Variants in SLC5A1 observed in about 807,000 individuals in gnomAD.
SLC5A1 encodes solute carrier family 5 member 1, also known as sodium/glucose cotransporter 1.
A neutral mutation model predicts 73.5 loss-of-function variants in SLC5A1; 42 were observed. The ratio of observed to expected loss-of-function variants is 0.57; its 90% confidence interval spans 0.45 to 0.74. The LOEUF is 0.74. SLC5A1 is among the 30% of genes least tolerant of loss of function. The pLI is 0.00. For synonymous variants in SLC5A1, 300 were observed against 317.4 expected, an observed-to-expected ratio of 0.95 and a Z score of 0.58; for missense variants, 634 against 855.4, an observed-to-expected ratio of 0.74 and a Z score of 3.23.
intron 5 of SLC5A1, among the ~76,000 whole-genome samples, chr22:32,078,954 C>CAAAAAAAAAAAAAAAAAAAAAAAA (rs6147589): frequency 9.2e-6 from 1 of 109,116 alleles, no homozygotes. Flanking sequence ...ACTCTGTCTC[C>CAAAAAAAAAAAAAAAAAAAAAAAA]AAAAAAAAAA....
intron 5 of SLC5A1, among the ~76,000 whole-genome samples, chr22:32,080,263 G>A (rs1018156162): frequency 6.6e-6 from 1 of 152,202 alleles, no homozygotes; most frequent in East Asian, 1.9e-4. Flanking sequence ...GAATCTTCAG[G>A]GGAGATCTGG....
intron 13 of SLC5A1, 124 bp downstream of exon 13, chr22:32,102,361 A>G: frequency 1.3e-6 from 1 of 747,736 alleles, no homozygotes; most frequent in East Asian, 2.7e-5. Flanking sequence ...GGTACATGTA[A>G]TGTTTTGATA....
At chr22:32,072,941 T>C (rs912535770) in intron 5 of SLC5A1, among the ~76,000 whole-genome samples, 1 of 152,242 alleles carries the variant, frequency 6.6e-6, no homozygotes, top group African/African-American at 2.4e-5. Flanking sequence ...GTTAGACCCT[T>C]ATCAGATATA....
intron 14 of SLC5A1, among the ~76,000 whole-genome samples, chr22:32,107,771 A>G (rs2094048898): frequency 6.6e-6 from 1 of 152,128 alleles, no homozygotes; most frequent in South Asian, 2.1e-4. Context: ...GTGAAATCAG[A>G]CTGAACATCC....
Position 32,084,674 on chromosome 22 carries a change from T to C in SLC5A1, c.885+15T>C, listed in dbSNP as rs557130106. The C allele has an allele frequency of 1.2e-5, 20 of 1,606,178 alleles. No homozygotes were observed. In the Admixed American group the frequency reaches 1.5e-4, roughly 12 times the overall value. ...GCACAGATCAGGTACCCAAGCTGGA[T>C]GTGCGGGATGGACAGAGTCTTCTCC... On this transcript the variant is annotated intron_variant, in intron 8 of 14. Transcript: ENST00000266088.
intron 2 of SLC5A1, among the ~76,000 whole-genome samples, chr22:32,066,150 C>T (rs2093972674): frequency 6.6e-6 from 1 of 152,170 alleles, no homozygotes; most frequent in Middle Eastern, 3.2e-3. Flanking sequence ...CATTCACAGT[C>T]TTATTCTCCT....
chr22:32,110,158 T>C lies in SLC5A1; in HGVS notation c.1940T>C (p.Val647Ala), dbSNP rs201606887. The C allele has an allele frequency of 1.4e-5, 22 of 1,614,034 alleles. No homozygotes were observed. The highest frequency in any genetic ancestry group is 1.8e-5 in the Non-Finnish European group (21 of 1,180,020). The change falls in exon 15 of 15, where the codon GTC (valine) becomes GCC (alanine). Residue 647 changes from valine to alanine, a missense_variant. Physicochemically the swap from Val to Ala is moderately conservative, Grantham distance 64 (BLOSUM62 0). Around this residue, in one of 3 missense-constraint regions of SLC5A1, gnomAD observed 161 missense variants for 178.7 expected, o/e 0.90. Transcript: ENST00000266088. The part of the protein sequence containing the change: ...EKPLWRTVLN[V>A]NGIILVTVAV... ...CCTTTGTGGAGGACAGTGTTGAACG[T>C]CAATGGCATCATCCTGGTGACCGTG...
intron 5 of SLC5A1, among the ~76,000 whole-genome samples, chr22:32,071,487 C>T (rs1048366876): frequency 1.8e-4 from 27 of 152,050 alleles, no homozygotes; most frequent in Admixed American, 6.5e-5. Flanking sequence ...ATAATGATAA[C>T]GAACATGGTT....
intron 10 of SLC5A1, among the ~76,000 whole-genome samples, chr22:32,088,622 A>G (rs1445805205): frequency 6.6e-6 from 1 of 152,096 alleles, no homozygotes; most frequent in African/African-American, 2.4e-5. Context: ...TACAGGTGTG[A>G]GTCACCATGC....
At chr22:32,058,447 T>C (rs745580169) in intron 2 of SLC5A1, among the ~76,000 whole-genome samples, 6 of 152,266 alleles carry the variant, frequency 3.9e-5, no homozygotes, top group Non-Finnish European at 7.3e-5. Context: ...GTTTCCAACA[T>C]TCCTCTGTTG....
In SLC5A1 at chr22:32,111,812, G is replaced by A. The variant is rs1440585639; in HGVS notation, c.*1599G>A. ...GCATTTATGCCAATCTAAACTATCC[G>A]GTGTTTAGTTTGATTTTTTGAGTGC... On this transcript the variant is annotated 3_prime_UTR_variant, in exon 15 of 15. Coordinates refer to ENST00000266088, the MANE Select transcript of SLC5A1 (RefSeq NM_000343.4). The A allele has an allele frequency of 3.3e-5, 5 of 152,234 alleles. No homozygotes were observed. Among genetic ancestry groups the A allele is most frequent in the East Asian group, 1.9e-4 (1 of 5,180 alleles). 9.4% of individuals were successfully genotyped at this position (152,234 alleles called of 1,614,324 possible).
rs2094057207 is a variant in SLC5A1 at position 32,111,607 on chromosome 22, C to T, written c.*1394C>T. 6.6e-6 allele frequency: 1 copy of T among 152,180 alleles called. No individual in the cohort carries two copies. The highest frequency in any genetic ancestry group is 2.4e-5 in the African/African-American group (1 of 41,418). The allele number at this position is 152,180 out of a possible 1,614,324, so 9.4% of individuals were successfully genotyped here. ...TGTGCAGCAAAAGGAAAAAGAATTA[C>T]AAACTGAACGTATGTAGGTGAGGCA... is the stretch of plus-strand genomic sequence containing the variant. On this transcript the variant is annotated 3_prime_UTR_variant, in exon 15 of 15. Transcript: ENST00000266088.
chr22:32,106,506 G>A (rs968401675), intron 14 of SLC5A1, among the ~76,000 whole-genome samples: 2 of 152,190 alleles, frequency 1.3e-5, no homozygotes, highest in African/African-American at 4.8e-5. Flanking sequence ...TAAGAGAAGA[G>A]TTGGAGCTCT....
At chr22:32,104,929 G>C (rs779269197) in intron 14 of SLC5A1, 38 bp downstream of exon 14, 1 of 1,393,302 alleles carries the variant, frequency 7.2e-7, no homozygotes, top group Non-Finnish European at 1.0e-6. Flanking sequence ...AACCATAAAA[G>C]TTACTCCTAC....
chr22:32,109,742 G>A (rs2094052813), intron 14 of SLC5A1, among the ~76,000 whole-genome samples: 2 of 152,172 alleles, frequency 1.3e-5, no homozygotes, highest in South Asian at 2.1e-4. Flanking sequence ...GCCTGATAGA[G>A]ATAAAACTTA....
intron 12 of SLC5A1, among the ~76,000 whole-genome samples, chr22:32,100,961 G>A (rs1276376687): frequency 6.6e-6 from 1 of 152,092 alleles, no homozygotes; most frequent in Non-Finnish European, 1.5e-5. Flanking sequence ...TGTGTCCACA[G>A]TGCTGTGGCC....
chr22:32,049,154 T>TC (rs1569298691), intron 1 of SLC5A1, among the ~76,000 whole-genome samples: 1 of 130,276 alleles, frequency 7.7e-6, no homozygotes, highest in East Asian at 2.0e-4. Flanking sequence ...ATAATCTATA[T>TC]TATATATAAT....
intron 5 of SLC5A1, among the ~76,000 whole-genome samples, chr22:32,075,574 A>G (rs2079067946): frequency 6.6e-6 from 1 of 152,188 alleles, no homozygotes; most frequent in African/African-American, 2.4e-5. Flanking sequence ...CTACCTTCTA[A>G]GTCTTTCATT....
chr22:32,067,068 G>C (rs199923275), intron 3 of SLC5A1, 29 bp downstream of exon 3: 103 of 1,498,172 alleles, frequency 6.9e-5, no homozygotes, highest in Non-Finnish European at 8.6e-5. Context: ...ATGGTGCACT[G>C]GGGCTGGAAG....
Sources: allele counts gnomAD v4.1 joint callset (sites outside exome capture counted in the v4.1 genomes callset), GRCh38; gene constraint gnomAD v4.1.1; regional missense constraint gnomAD v4.1.1; transcripts MANE v1.5; gene names NCBI Gene and HGNC (gene_info 2026-07-23, HGNC 2026-07-21).